The following TTC27 variants were observed in gnomAD, a reference collection of about 807,000 sequenced individuals.
TTC27 encodes tetratricopeptide repeat protein 27.
A neutral mutation model predicts 115.9 loss-of-function variants in TTC27; 79 were observed. That is an observed-to-expected ratio of 0.68 (90% CI 0.57 to 0.82). TTC27 has a LOEUF of 0.82. TTC27 is among the 40% of genes least tolerant of loss of function. The pLI is 0.00. For missense variants in TTC27, 1,054 were observed against 993.1 expected (o/e 1.06, Z -0.82); for synonymous variants, 401 against 356.0 (o/e 1.13, Z -1.42).
At chr2:32,685,039 A>G (rs944427210) in intron 9 of TTC27, among the ~76,000 whole-genome samples, 1 of 75,218 alleles carries the variant, frequency 1.3e-5, no homozygotes, top group East Asian at 3.5e-4. Context: ...TTTTTTTTTA[A>G]TTTTATTATT....
intron 3 of TTC27, among the ~76,000 whole-genome samples, chr2:32,637,692 GC>G (rs1363469924): frequency 6.6e-6 from 1 of 152,072 alleles, no homozygotes; most frequent in Non-Finnish European, 1.5e-5. Flanking sequence ...TTTGGCTTGG[GC>G]TTTAGGAAAT....
intron 9 of TTC27, among the ~76,000 whole-genome samples, chr2:32,700,371 T>C (rs190010798): frequency 1.8e-3 from 272 of 152,264 alleles, no homozygotes; most frequent in African/African-American, 6.4e-3. Flanking sequence ...CTTTTCCCAC[T>C]GTTTTACAGA....
At chr2:32,816,908 T>A (rs533704169) in intron 18 of TTC27, among the ~76,000 whole-genome samples, 1 of 152,232 alleles carries the variant, frequency 6.6e-6, no homozygotes, top group African/African-American at 2.4e-5. Context: ...TGTTTTTGTC[T>A]GTGTGGGTAC....
At chr2:32,632,928 G>A (rs1361212405) in intron 2 of TTC27, among the ~76,000 whole-genome samples, 1 of 152,130 alleles carries the variant, frequency 6.6e-6, no homozygotes, top group Non-Finnish European at 1.5e-5. Flanking sequence ...AACATGATAT[G>A]CAAAGCCTAA....
Position 32,634,637 on chromosome 2 carries a change from AG to A in TTC27, c.396+634del, listed in dbSNP as rs1664342507. ...CTGGAAATCTGTTTAATTTTATTTC[AG>A]GTAAGTTTTTAACTAATTAATTAAT... On this transcript the variant is annotated intron_variant, in intron 3 of 19. Coordinates refer to ENST00000317907, the MANE Select transcript of TTC27 (RefSeq NM_017735.5). 2.0e-5 allele frequency among the ~76,000 whole-genome samples: 3 copies of A among 151,402 alleles called. No homozygotes were observed. In the South Asian group the frequency reaches 6.3e-4, roughly 32 times the overall value.
intron 16 of TTC27, among the ~76,000 whole-genome samples, chr2:32,795,161 A>G (rs1670656903): frequency 6.6e-6 from 1 of 151,680 alleles, no homozygotes; most frequent in African/African-American, 2.4e-5. Context: ...CAAAACACAG[A>G]CCAAAATCTC....
At chr2:32,803,359 G>T (rs1482918800) in intron 16 of TTC27, among the ~76,000 whole-genome samples, 2 of 152,214 alleles carry the variant, frequency 1.3e-5, no homozygotes, top group Non-Finnish European at 2.9e-5. Context: ...CCTTGCACTG[G>T]GCTGGCACTG....
At chr2:32,743,776 C>G (rs1445750947) in intron 12 of TTC27, among the ~76,000 whole-genome samples, 2 of 152,132 alleles carry the variant, frequency 1.3e-5, no homozygotes, top group African/African-American at 2.4e-5. Flanking sequence ...GCTATATGAC[C>G]TCTCTATTCA....
At chr2:32,737,487 C>A (rs1293111284) in intron 12 of TTC27, among the ~76,000 whole-genome samples, 1 of 151,930 alleles carries the variant, frequency 6.6e-6, no homozygotes, top group East Asian at 1.9e-4. Context: ...AGAGTAAAGC[C>A]CACAAATTGG....
At chr2:32,693,152 ATTGTTTCTG>A (rs1210336689) in intron 9 of TTC27, among the ~76,000 whole-genome samples, 1 of 152,176 alleles carries the variant, frequency 6.6e-6, no homozygotes, top group Non-Finnish European at 1.5e-5. Flanking sequence ...TGTTGTTTTT[ATTGTTTCTG>A]TTGTTTTTTC....
At chr2:32,784,410 C>A (rs1396929113) in intron 15 of TTC27, among the ~76,000 whole-genome samples, 2 of 152,140 alleles carry the variant, frequency 1.3e-5, no homozygotes, top group Non-Finnish European at 2.9e-5. Context: ...ACTTCTGAGG[C>A]AATTATTAAT....
chr2:32,754,686 G>A (rs898889532), intron 12 of TTC27, among the ~76,000 whole-genome samples: 14 of 151,584 alleles, frequency 9.2e-5, no homozygotes, highest in South Asian at 4.2e-4. Context: ...GGTCGTGGCC[G>A]GGCAGAGGGG....
intron 10 of TTC27, among the ~76,000 whole-genome samples, chr2:32,732,413 A>AC (rs1177560168): frequency 6.6e-6 from 1 of 152,196 alleles, no homozygotes; most frequent in African/African-American, 2.4e-5. Flanking sequence ...TTGAGCTCAT[A>AC]CCACAAGATA....
chr2:32,758,720 T>G (rs1331401647), intron 13 of TTC27, among the ~76,000 whole-genome samples: 1 of 152,098 alleles, frequency 6.6e-6, no homozygotes, highest in Admixed American at 6.5e-5. Context: ...TAATTCACTT[T>G]CTATTACTTT....
At chr2:32,736,075 T>C (rs1668443670) in intron 11 of TTC27, among the ~76,000 whole-genome samples, 1 of 152,174 alleles carries the variant, frequency 6.6e-6, no homozygotes, top group South Asian at 2.1e-4. Context: ...AAATTTTTTT[T>C]CCCTTTGTGC....
intron 9 of TTC27, among the ~76,000 whole-genome samples, chr2:32,692,219 G>A (rs1228347727): frequency 6.6e-6 from 1 of 151,280 alleles, no homozygotes; most frequent in Non-Finnish European, 1.5e-5. Flanking sequence ...ACTTTCTGAG[G>A]GCTCTTTTTC....
At chr2:32,674,208 T>C (rs12997747) in intron 8 of TTC27, among the ~76,000 whole-genome samples, 1 of 151,446 alleles carries the variant, frequency 6.6e-6, no homozygotes, top group African/African-American at 2.4e-5. Context: ...TGGAGTGCAG[T>C]GGCGCGATCT....
intron 9 of TTC27, among the ~76,000 whole-genome samples, chr2:32,686,528 T>A (rs2151892894): frequency 6.6e-6 from 1 of 152,186 alleles, no homozygotes; most frequent in East Asian, 1.9e-4. Context: ...CCTAGCTGAT[T>A]TTTTTGTGTT....
chr2:32,656,332 G>A (rs919409672), intron 5 of TTC27, among the ~76,000 whole-genome samples: 1 of 152,170 alleles, frequency 6.6e-6, no homozygotes, highest in East Asian at 1.9e-4. Flanking sequence ...TCTGAACCGG[G>A]AGGTCAGAGA....
Sources: gnomAD v4.1 joint callset for allele counts (sites outside exome capture counted in the v4.1 genomes callset) on GRCh38, gnomAD v4.1.1 for gene constraint, MANE v1.5 for transcripts, NCBI Gene and HGNC (gene_info 2026-07-23, HGNC 2026-07-21) for gene names.